The following CFAP95 variants were observed in gnomAD, a reference collection of about 807,000 sequenced individuals.
CFAP95 encodes cilia- and flagella-associated protein 95.
the CFAP95 span, among the ~76,000 whole-genome samples, chr9:69,824,590 T>C: frequency 6.6e-6 from 1 of 152,060 alleles, no homozygotes; most frequent in African/African-American, 2.4e-5. Context: ...GTGCTTTTTG[T>C]TTGCTATATG....
the CFAP95 span, among the ~76,000 whole-genome samples, chr9:69,832,547 G>A: frequency 7.1e-6 from 1 of 141,834 alleles, no homozygotes. Flanking sequence ...TTCCCTACTA[G>A]TACTGTTTTG....
chr9:69,861,730 CAAAA>C, the CFAP95 span, among the ~76,000 whole-genome samples: 989 of 86,824 alleles, frequency 0.011, 15 homozygotes, highest in African/African-American at 0.042. Context: ...TCTTATGAGT[CAAAA>C]AAAAAAAAAA....
At chr9:69,897,979 C>T in the CFAP95 span, among the ~76,000 whole-genome samples, 2 of 152,084 alleles carry the variant, frequency 1.3e-5, no homozygotes, top group African/African-American at 2.4e-5. Context: ...CCAGTTTTCC[C>T]CTATGGTGAT....
At chr9:69,905,970 A>C in the CFAP95 span, 1 of 1,605,614 alleles carries the variant, frequency 6.2e-7, no homozygotes, top group Non-Finnish European at 8.5e-7. Context: ...CCCTGTCAAG[A>C]TGATTATTCC....
the CFAP95 span, among the ~76,000 whole-genome samples, chr9:69,863,987 G>C: frequency 1.3e-5 from 2 of 152,124 alleles, no homozygotes; most frequent in Admixed American, 6.5e-5. Context: ...AATCAGTTCA[G>C]GCAGGGTATT....
At chr9:69,837,932 T>C in the CFAP95 span, among the ~76,000 whole-genome samples, 1 of 152,342 alleles carries the variant, frequency 6.6e-6, no homozygotes, top group East Asian at 1.9e-4. Flanking sequence ...AGGGATCCAG[T>C]TTCAGCTTTC....
chr9:69,878,763 A>G, the CFAP95 span, among the ~76,000 whole-genome samples: 1 of 152,210 alleles, frequency 6.6e-6, no homozygotes, highest in African/African-American at 2.4e-5. Flanking sequence ...ATTGCTATAA[A>G]GAAATCCCTG....
the CFAP95 span, among the ~76,000 whole-genome samples, chr9:69,871,395 G>T: frequency 6.6e-6 from 1 of 151,936 alleles, no homozygotes; most frequent in Non-Finnish European, 1.5e-5. Context: ...TCATGTAGAT[G>T]GTATGAAAGG....
the CFAP95 span, chr9:69,886,858 C>A: frequency 6.2e-7 from 1 of 1,613,314 alleles, no homozygotes; most frequent in Non-Finnish European, 8.5e-7. Flanking sequence ...ACAACGTACT[C>A]AGAAGATTAT....
chr9:69,884,858 TA>T, the CFAP95 span, among the ~76,000 whole-genome samples: 2 of 151,346 alleles, frequency 1.3e-5, no homozygotes, highest in African/African-American at 2.4e-5. Flanking sequence ...GATTTGTCTT[TA>T]AAAAAAAACC....
chr9:69,877,100 C>T, the CFAP95 span, among the ~76,000 whole-genome samples: 1 of 152,116 alleles, frequency 6.6e-6, no homozygotes, highest in Admixed American at 6.5e-5. Context: ...ATAATGCATA[C>T]ATATATACGT....
At chr9:69,892,840 C>T in the CFAP95 span, among the ~76,000 whole-genome samples, 2 of 152,142 alleles carry the variant, frequency 1.3e-5, no homozygotes, top group South Asian at 2.1e-4. Context: ...CAGGGACAGC[C>T]GAACTCCAGG....
the CFAP95 span, among the ~76,000 whole-genome samples, chr9:69,885,329 A>T: frequency 6.6e-6 from 1 of 152,146 alleles, no homozygotes; most frequent in Non-Finnish European, 1.5e-5. Context: ...AATTTATCAT[A>T]AGAGAATAAT....
chr9:69,898,829 T>C, the CFAP95 span, among the ~76,000 whole-genome samples: 2 of 152,220 alleles, frequency 1.3e-5, no homozygotes, highest in African/African-American at 4.8e-5. Flanking sequence ...TGATGTCATC[T>C]TAAATTAAAA....
chr9:69,834,249 A>T, the CFAP95 span, among the ~76,000 whole-genome samples: 1 of 152,170 alleles, frequency 6.6e-6, no homozygotes, highest in Non-Finnish European at 1.5e-5. Flanking sequence ...CAGTGTCTTC[A>T]GCCAGCTATT....
At chr9:69,857,962 C>A in the CFAP95 span, 4 of 1,613,718 alleles carry the variant, frequency 2.5e-6, no homozygotes, top group Admixed American at 3.3e-5. Flanking sequence ...AGACATCCAC[C>A]GGATTGGAGC....
the CFAP95 span, among the ~76,000 whole-genome samples, chr9:69,855,795 C>T: frequency 7.9e-5 from 12 of 152,304 alleles, no homozygotes; most frequent in African/African-American, 2.9e-4. Context: ...GTTGAAGGCT[C>T]TGGTTTTCTA....
the CFAP95 span, among the ~76,000 whole-genome samples, chr9:69,821,572 C>T: frequency 6.6e-6 from 1 of 152,110 alleles, no homozygotes; most frequent in Non-Finnish European, 1.5e-5. Flanking sequence ...TTTAGAGGAC[C>T]AGCCTCCAGG....
the CFAP95 span, among the ~76,000 whole-genome samples, chr9:69,905,354 G>C: frequency 9.5e-3 from 1,449 of 152,048 alleles, 21 homozygotes; most frequent in African/African-American, 0.027. Context: ...TGGTGTAATC[G>C]GAAAGAATCA....
Sources: gnomAD v4.1 joint callset for allele counts (sites outside exome capture counted in the v4.1 genomes callset) on GRCh38, gnomAD v4.1.1 for gene constraint, MANE v1.5 for transcripts, NCBI Gene and HGNC (gene_info 2026-07-23, HGNC 2026-07-21) for gene names.